The following TYRO3 variants were observed in gnomAD, a reference collection of about 807,000 sequenced individuals.
The protein encoded by TYRO3 is tyrosine-protein kinase receptor TYRO3.
In TYRO3, 38 loss-of-function variants were observed where a neutral mutation model predicts 95.2. That is an observed-to-expected ratio of 0.40 (90% CI 0.31 to 0.52). The LOEUF is 0.52. TYRO3 is among the 20% of genes least tolerant of loss of function. The probability of loss-of-function intolerance (pLI) is 0.56; values close to 1 mark genes in which losing one functional copy is unlikely to be tolerated. For synonymous variants in TYRO3, 367 were observed against 432.9 expected, an observed-to-expected ratio of 0.85 and a Z score of 1.89; for missense variants, 812 against 1,116.4, an observed-to-expected ratio of 0.73 and a Z score of 3.89.
Position 41,562,573 on chromosome 15 carries a change from A to G in TYRO3, c.435A>G (p.Pro145=), listed in dbSNP as rs772046206. The G allele has an allele frequency of 1.2e-6, 2 of 1,612,954 alleles. No individual in the cohort carries two copies. Among genetic ancestry groups the G allele is most frequent in the Non-Finnish European group, 1.7e-6 (2 of 1,180,026 alleles). The change falls in exon 4 of 19, where the codon CCA becomes CCG. Residue 145 remains proline (P), a synonymous_variant. Coordinates refer to ENST00000263798, the MANE Select transcript of TYRO3 (RefSeq NM_006293.4). The part of the protein sequence containing the change: ...VEGVPFFTVE[P]KDLAVPPNAP... ...GTGTGCCATTTTTCACAGTGGAGCC[A>G]AAAGATCTGGCAGTGCCACCCAATG...
At chr15:41,567,608 C>G in intron 7 of TYRO3, 71 bp downstream of exon 7, 1 of 1,342,204 alleles carries the variant, frequency 7.5e-7, no homozygotes, top group Non-Finnish European at 9.8e-7. Context: ...GGCTGGAGTT[C>G]TGAATGGTGC....
Position 41,568,817 on chromosome 15 carries a change from GC to G in TYRO3, c.1108-57del, listed in dbSNP as rs916330710. 1.5e-5 allele frequency: 24 copies of G among 1,569,484 alleles called. No homozygotes were observed. In the African/African-American group the frequency reaches 2.0e-4, roughly 13 times the overall value. ...CAGCTGGACCTTTTTCTGTCCTCAG[GC>G]CCCAGCTGGAGGCCTTCTCCCCAGG... On this transcript the variant is annotated intron_variant, in intron 8 of 18. Coordinates refer to ENST00000263798, the MANE Select transcript of TYRO3 (RefSeq NM_006293.4).
chr15:41,562,734 AG>A lies in TYRO3; in HGVS notation c.580+21del. On this transcript the variant is annotated intron_variant, in intron 4 of 18. Coordinates refer to ENST00000263798, the MANE Select transcript of TYRO3 (RefSeq NM_006293.4). ...AATGTAACAGGTGAGCAGCCTCAGA[AG>A]GGGGCTGGGAGTGGAGAAGGAGCTG... 1.3e-6 allele frequency: 2 copies of A among 1,579,472 alleles called. No homozygotes were observed. Among genetic ancestry groups the A allele is most frequent in the South Asian group, 1.1e-5 (1 of 88,108 alleles).
intron 18 of TYRO3, among the ~76,000 whole-genome samples, chr15:41,575,528 T>C (rs895227541): frequency 2.0e-5 from 3 of 152,214 alleles, no homozygotes; most frequent in Non-Finnish European, 2.9e-5. Context: ...AGTCTGGCCA[T>C]GTACCCACGG....
At chr15:41,563,922 G>T (rs773639648) in intron 4 of TYRO3, among the ~76,000 whole-genome samples, 5 of 152,074 alleles carry the variant, frequency 3.3e-5, no homozygotes, top group Admixed American at 1.3e-4. Context: ...TTTCTCAAGG[G>T]CTTATTTAGC....
At position 41,561,385 on chromosome 15, in the gene TYRO3, T is replaced by C. The variant is rs570293789; in HGVS notation, c.308+75T>C. 5.2e-5 allele frequency: 78 copies of C among 1,513,674 alleles called. No individual in the cohort carries two copies. The African/African-American group carries it at 9.4e-4, about 18-fold the overall frequency. The allele number at this position is 1,513,674 out of a possible 1,614,324, so 93.8% of individuals were successfully genotyped here. On this transcript the variant is annotated intron_variant, in intron 2 of 18. Transcript: ENST00000263798. Reference sequence around the variant, plus strand: ...TGCTCTTTCCTTGGGGATTGGGAGCTGGGGCCCTCTCCTGATGCCCAGAGG... The same window carrying C: ...TGCTCTTTCCTTGGGGATTGGGAGCCGGGGCCCTCTCCTGATGCCCAGAGG...
chr15:41,562,421 G>T, intron 3 of TYRO3, 127 bp from the exon 4 acceptor site: 2 of 887,090 alleles, frequency 2.3e-6, no homozygotes, highest in Admixed American at 2.7e-5. Flanking sequence ...TTCTGCTGTT[G>T]ACCTAATCAT....
Position 41,561,197 on chromosome 15 carries a change from T to C in TYRO3, c.195T>C (p.Ser65=), listed in dbSNP as rs1198465307. 2.5e-6 allele frequency: 4 copies of C among 1,613,842 alleles called. No homozygotes were observed. In the South Asian group the frequency reaches 3.3e-5, roughly 13 times the overall value. Residue 65 remains serine, a synonymous_variant, in exon 2 of 19, where the codon AGT becomes AGC. Coordinates refer to ENST00000263798, the MANE Select transcript of TYRO3 (RefSeq NM_006293.4). ...SQGQPVKLNC[S]VEGMEEPDIQ... Reference sequence around the variant, plus strand: ...GGCAGCCGGTGAAGCTCAACTGCAGTGTGGAGGGGATGGAGGAGCCTGACA... The same window carrying C: ...GGCAGCCGGTGAAGCTCAACTGCAGCGTGGAGGGGATGGAGGAGCCTGACA...
chr15:41,566,202 A>T (rs1485595338), intron 6 of TYRO3, among the ~76,000 whole-genome samples: 3 of 151,860 alleles, frequency 2.0e-5, no homozygotes, highest in Middle Eastern at 3.2e-3. Context: ...ACTTCTAACT[A>T]TTCAGGAGGC....
At chr15:41,561,771 T>G (rs973273309) in intron 3 of TYRO3, 132 bp downstream of exon 3, 9 of 633,792 alleles carry the variant, frequency 1.4e-5, no homozygotes, top group African/African-American at 1.1e-4. Flanking sequence ...TTGTCCAGGC[T>G]GTAGGCCCAC....
At chr15:41,563,409 GTC>G (rs780692417) in intron 4 of TYRO3, among the ~76,000 whole-genome samples, 1 of 152,190 alleles carries the variant, frequency 6.6e-6, no homozygotes, top group Non-Finnish European at 1.5e-5. Flanking sequence ...TCTGAGCTTG[GTC>G]TCATGTGCTG....
At chr15:41,563,442 C>T (rs1240938194) in intron 4 of TYRO3, among the ~76,000 whole-genome samples, 1 of 152,150 alleles carries the variant, frequency 6.6e-6, no homozygotes, top group Non-Finnish European at 1.5e-5. Flanking sequence ...GGGAAATGGG[C>T]GCTGAGCTAG....
rs529826589 is a variant in TYRO3, at chr15:41,573,397, C to G, written c.2075C>G (p.Ser692Cys). ...SGDYYRQGCASKLPVKWLALE... is the reference protein window; with the variant it reads ...SGDYYRQGCACKLPVKWLALE... ...GACTACTATCGTCAAGGCTGTGCCTCCAAACTGCCTGTCAAGTGGCTGGCC... is the reference window on the plus strand; with the variant it reads ...GACTACTATCGTCAAGGCTGTGCCTGCAAACTGCCTGTCAAGTGGCTGGCC... Residue 692 changes from serine to cysteine, a missense_variant, in exon 17 of 19, where the codon TCC (serine) becomes TGC (cysteine). Transcript: ENST00000263798. The G allele has an allele frequency of 3.7e-6, 6 of 1,614,254 alleles. No homozygotes were observed. The East Asian group carries it at 1.3e-4, about 36-fold the overall frequency.
At chr15:41,573,157 C>G in intron 16 of TYRO3, 46 bp downstream of exon 16, 1 of 1,595,850 alleles carries the variant, frequency 6.3e-7, no homozygotes, top group South Asian at 1.1e-5. Flanking sequence ...CAGCAGGTGC[C>G]AAGAGGAGCT....
At position 41,580,700 on chromosome 15, in the gene TYRO3, G is replaced by C. The variant is rs1364376790; in HGVS notation, c.*2424G>C. The C allele has an allele frequency of 6.7e-6, 1 of 150,032 alleles. No homozygotes were observed. Among genetic ancestry groups the C allele is most frequent in the Admixed American group, 6.6e-5 (1 of 15,054 alleles). 9.3% of individuals were successfully genotyped at this position (150,032 alleles called of 1,614,324 possible). ...GGCTAGAGTGCAGTGGTGTGATCTC[G>C]GCTCACTGTAACCTCTGTCTCCCAG... is the stretch of plus-strand genomic sequence containing the variant. On this transcript the variant is annotated 3_prime_UTR_variant, in exon 19 of 19. Coordinates refer to ENST00000263798, the MANE Select transcript of TYRO3 (RefSeq NM_006293.4).
intron 4 of TYRO3, 68 bp from the exon 5 acceptor site, chr15:41,564,116 C>A: frequency 2.1e-6 from 3 of 1,423,976 alleles, no homozygotes; most frequent in South Asian, 2.3e-5. Flanking sequence ...CCTGAGTATT[C>A]CCCTTTCCCA....
At chr15:41,575,276 C>G (rs114501900) in intron 18 of TYRO3, among the ~76,000 whole-genome samples, 141 of 152,370 alleles carry the variant, frequency 9.3e-4, no homozygotes, top group African/African-American at 3.3e-3. Flanking sequence ...CCTGTTCATT[C>G]AGCAGAGCTC....
intron 7 of TYRO3, 112 bp downstream of exon 7, chr15:41,567,649 G>T: frequency 9.7e-7 from 1 of 1,034,088 alleles, no homozygotes; most frequent in Non-Finnish European, 1.3e-6. Context: ...GCATCATTCG[G>T]CAAACATTTA....
intron 4 of TYRO3, among the ~76,000 whole-genome samples, chr15:41,563,579 G>T (rs557985947): frequency 6.6e-6 from 1 of 152,280 alleles, no homozygotes; most frequent in East Asian, 1.9e-4. Context: ...CTTCCTTCCA[G>T]GTGTGCGTGG....
Sources: allele counts gnomAD v4.1 joint callset (sites outside exome capture counted in the v4.1 genomes callset), GRCh38; gene constraint gnomAD v4.1.1; transcripts MANE v1.5; gene names NCBI Gene and HGNC (gene_info 2026-07-23, HGNC 2026-07-21).